DISP2: variants seen among roughly 807,000 people sequenced by gnomAD.
DISP2 encodes the protein protein dispatched homolog 2.
In DISP2, 59 loss-of-function variants were observed where a neutral mutation model predicts 95.5. That is an observed-to-expected ratio of 0.62 (90% CI 0.50 to 0.77). DISP2 has a LOEUF of 0.77. DISP2 is among the 30% of genes least tolerant of loss of function. The pLI is 0.00. For missense variants in DISP2, 1,752 were observed against 1,854.6 expected (o/e 0.94, Z 1.02); for synonymous variants, 827 against 815.0 (o/e 1.01, Z -0.25).
chr15:40,360,709 T>G (rs921461793), intron 1 of DISP2, among the ~76,000 whole-genome samples: 14 of 151,976 alleles, frequency 9.2e-5, no homozygotes, highest in African/African-American at 3.1e-4. Context: ...AATGCTGGCT[T>G]CCCCTAATGC....
At position 40,368,045 on chromosome 15, in the gene DISP2, G is replaced by C; in HGVS notation, c.1933G>C (p.Glu645Gln). Reference sequence around the variant, plus strand: ...GCTGCCCGCCTCCGCCGTGCTCCACGAGCGCTACCTGGCGCGCGGCTGTGC... The same window carrying C: ...GCTGCCCGCCTCCGCCGTGCTCCACCAGCGCTACCTGGCGCGCGGCTGTGC... Reference protein sequence around the residue: ...VWLPASAVLHERYLARGCARR... With the variant: ...VWLPASAVLHQRYLARGCARR... The change falls in exon 8 of 8, where the codon GAG becomes CAG. Residue 645 changes from glutamate (E) to glutamine (Q), a missense_variant. Around this residue, in one of 5 missense-constraint regions of DISP2, gnomAD observed 732 missense variants for 714.6 expected, o/e 1.02. Coordinates refer to ENST00000267889, the MANE Select transcript of DISP2 (RefSeq NM_033510.3). 6.6e-7 allele frequency: 1 copy of C among 1,525,906 alleles called. No homozygotes were observed. The highest frequency in any genetic ancestry group is 1.2e-5 in the South Asian group (1 of 83,414). 94.5% of individuals were successfully genotyped at this position (1,525,906 alleles called of 1,614,324 possible). A position where few individuals can be genotyped will look rare whatever the true frequency, so the allele number is the denominator to read the frequency against.
At position 40,368,314 on chromosome 15, in the gene DISP2, G is replaced by C. The variant is rs35565646; in HGVS notation, c.2202G>C (p.Pro734=). The change falls in exon 8 of 8, where the codon CCG becomes CCC. Residue 734 remains proline, a synonymous_variant. Transcript: ENST00000267889. ...GCCTGCGGCTGCCCACGCTGCCGCCGCCCGGCGGCCAGGTCTTCCGGCCCA... is the reference window on the plus strand; with the variant it reads ...GCCTGCGGCTGCCCACGCTGCCGCCCCCCGGCGGCCAGGTCTTCCGGCCCA... ...SPRLRLPTLP[P]PGGQVFRPSH... 1 of 1,603,194 alleles carries C rather than the reference G, an allele frequency of 6.2e-7. No individual in the cohort carries two copies. Among genetic ancestry groups the C allele is most frequent in the East Asian group, 2.2e-5 (1 of 44,708 alleles).
Position 40,368,011 on chromosome 15 carries a change from G to A in DISP2, c.1899G>A (p.Thr633=), listed in dbSNP as rs1352544827. The change falls in exon 8 of 8, where the codon ACG becomes ACA. Residue 633 remains threonine, a synonymous_variant. Coordinates refer to ENST00000267889, the MANE Select transcript of DISP2 (RefSeq NM_033510.3). ...CTGTGCTGGTGCACCTGGCGCTCACGCTGGTCTGGCTGCCCGCCTCCGCCG... is the reference window on the plus strand; with the variant it reads ...CTGTGCTGGTGCACCTGGCGCTCACACTGGTCTGGCTGCCCGCCTCCGCCG... The part of the protein sequence containing the change: ...GTAVLVHLAL[T]LVWLPASAVL... The A allele has an allele frequency of 1.3e-6, 2 of 1,535,438 alleles. No homozygotes were observed. Among genetic ancestry groups the A allele is most frequent in the South Asian group, 1.2e-5 (1 of 84,354 alleles).
chr15:40,368,782 G>A lies in DISP2; in HGVS notation c.2670G>A (p.Leu890=). The A allele has an allele frequency of 6.2e-7, 1 of 1,613,876 alleles. No homozygotes were observed. Among genetic ancestry groups the A allele is most frequent in the Non-Finnish European group, 8.5e-7 (1 of 1,180,024 alleles). ...LEQGPDGTQD[L]GLRFDAHGSL... ...AAGGCCCCGATGGCACCCAGGACCT[G>A]GGACTCCGCTTTGATGCCCATGGCA... The change falls in exon 8 of 8, where the codon CTG becomes CTA. Residue 890 remains leucine (L), a synonymous_variant. Transcript: ENST00000267889.
chr15:40,368,815 C>T lies in DISP2; in HGVS notation c.2703C>T (p.Ala901=), dbSNP rs370509084. The change falls in exon 8 of 8, where the codon GCC becomes GCT. Residue 901 remains alanine (A), a synonymous_variant. Transcript: ENST00000267889. ...GCTTTGATGCCCATGGCAGCCTGGC[C>T]GCCCTGGTCCTACAATTCCAGACCA... The part of the protein sequence containing the change: ...GLRFDAHGSL[A]ALVLQFQTNF... 18 of 1,613,818 alleles carry T rather than the reference C, an allele frequency of 1.1e-5. No individual in the cohort carries two copies. In the African/African-American group the frequency reaches 1.2e-4, roughly 11 times the overall value.
intron 7 of DISP2, 32 bp downstream of exon 7, chr15:40,365,757 G>C (rs201936471): frequency 5.3e-5 from 85 of 1,608,544 alleles, no homozygotes; most frequent in African/African-American, 2.3e-4. Context: ...CAGGGGTTTG[G>C]GGGGAACTAA....
intron 1 of DISP2, among the ~76,000 whole-genome samples, chr15:40,360,996 C>A (rs1889397409): frequency 6.6e-6 from 1 of 152,234 alleles, no homozygotes; most frequent in South Asian, 2.1e-4. Flanking sequence ...TCCACACTTA[C>A]ACACACAACC....
chr15:40,358,677 C>A (rs1199518184), intron 1 of DISP2, among the ~76,000 whole-genome samples: 4 of 152,108 alleles, frequency 2.6e-5, no homozygotes, highest in South Asian at 2.1e-4. Flanking sequence ...GCTTAGGGAA[C>A]CTGCCCCACC....
At chr15:40,364,183 A>G (rs375840661) in intron 2 of DISP2, 43 bp from the exon 3 acceptor site, 1 of 1,613,192 alleles carries the variant, frequency 6.2e-7, no homozygotes, top group African/African-American at 1.3e-5. Context: ...CGCCCTCTGC[A>G]AGAGAACTCT....
intron 1 of DISP2, among the ~76,000 whole-genome samples, chr15:40,360,391 G>C (rs1166744292): frequency 6.6e-6 from 1 of 152,208 alleles, no homozygotes; most frequent in East Asian, 1.9e-4. Context: ...TTTCTCATGG[G>C]AGTTTTGAAG....
chr15:40,367,477 G>A lies in DISP2; in HGVS notation c.1365G>A (p.Arg455=). Residue 455 remains arginine (R), a synonymous_variant, in exon 8 of 8, where the codon CGG becomes CGA. Transcript: ENST00000267889. ...CCCTCATGGACATCTACCTGGACCG[G>A]CTGGCCACCCCCTGGGGGCTTGCTG... is the stretch of plus-strand genomic sequence containing the variant. ...GASLMDIYLD[R]LATPWGLADN... is the part of the protein sequence containing the mutation. The A allele has an allele frequency of 6.2e-7, 1 of 1,613,644 alleles. No homozygotes were observed. The highest frequency in any genetic ancestry group is 1.1e-5 in the South Asian group (1 of 91,044).
rs1052587500 is a variant in DISP2 at position 40,376,140 on chromosome 15, A to G, written c.*5822A>G. The G allele has an allele frequency of 1.3e-5, 2 of 151,808 alleles. No homozygotes were observed. The highest frequency in any genetic ancestry group is 4.8e-5 in the African/African-American group (2 of 41,390). The allele number at this position is 151,808 out of a possible 1,614,324, so 9.4% of individuals were successfully genotyped here. ...TATATTGTAAAATATATAAATATAT[A>G]TTAAAAAGGAAAAAATAATAAAAAT... On this transcript the variant is annotated 3_prime_UTR_variant, in exon 8 of 8. Coordinates refer to ENST00000267889, the MANE Select transcript of DISP2 (RefSeq NM_033510.3).
chr15:40,369,592 A>G lies in DISP2; in HGVS notation c.3480A>G (p.Ser1160=). The change falls in exon 8 of 8, where the codon TCA becomes TCG. Residue 1160 remains serine (S), a synonymous_variant. Transcript: ENST00000267889. ...TGGGAGGGATGCCCGGGTCCTGCTC[A>G]GAGCAATATGAGCTACAGCCCCTGG... ...GSVGGMPGSC[S]EQYELQPLAR... The G allele has an allele frequency of 6.2e-7, 1 of 1,611,760 alleles. No individual in the cohort carries two copies. The highest frequency in any genetic ancestry group is 8.5e-7 in the Non-Finnish European group (1 of 1,179,980).
Position 40,368,925 on chromosome 15 carries a change from C to T in DISP2, c.2813C>T (p.Ala938Val). 6.2e-7 allele frequency: 1 copy of T among 1,613,874 alleles called. No individual in the cohort carries two copies. Among genetic ancestry groups the T allele is most frequent in the East Asian group, 2.2e-5 (1 of 44,886 alleles). Residue 938 changes from alanine (A) to valine (V), a missense_variant, in exon 8 of 8, where the codon GCA becomes GTA. By Grantham distance (64) the Ala-to-Val change is moderately conservative. Around this residue, in one of 5 missense-constraint regions of DISP2, gnomAD observed 317 missense variants for 394.9 expected, o/e 0.80. Coordinates refer to ENST00000267889, the MANE Select transcript of DISP2 (RefSeq NM_033510.3). ...TGGCTGGCAGCGGAGCTGGGCATGGCACCTCCAGGCCTCCGCCGTGGTTGG... is the reference window on the plus strand; with the variant it reads ...TGGCTGGCAGCGGAGCTGGGCATGGTACCTCCAGGCCTCCGCCGTGGTTGG... ...SHWLAAELGM[A>V]PPGLRRGWFT... is the part of the protein sequence containing the mutation.
At position 40,364,562 on chromosome 15, in the gene DISP2, G is replaced by T. The variant is rs1320052539; in HGVS notation, c.603+18G>T. 1 of 1,611,436 alleles carries T rather than the reference G, an allele frequency of 6.2e-7. No individual in the cohort carries two copies. Among genetic ancestry groups the T allele is most frequent in the Non-Finnish European group, 8.5e-7 (1 of 1,179,152 alleles). Reference sequence around the variant, plus strand: ...CTTTGCTGGTGAGGAACCAAGGGGTGGGACGGGGTCCCCAGGCCTGGCCAC... The same window carrying T: ...CTTTGCTGGTGAGGAACCAAGGGGTTGGACGGGGTCCCCAGGCCTGGCCAC... On this transcript the variant is annotated intron_variant, in intron 4 of 7. Coordinates refer to ENST00000267889, the MANE Select transcript of DISP2 (RefSeq NM_033510.3).
intron 1 of DISP2, 137 bp from the exon 2 acceptor site, chr15:40,363,488 A>T: frequency 1.5e-6 from 1 of 649,098 alleles, no homozygotes; most frequent in Non-Finnish European, 2.5e-6. Flanking sequence ...CTCACCTCTC[A>T]CTTCTCCCCC....
chr15:40,370,088 C>G lies in DISP2; in HGVS notation c.3976C>G (p.Pro1326Ala). The G allele has an allele frequency of 6.2e-7, 1 of 1,612,304 alleles. No individual in the cohort carries two copies. Among genetic ancestry groups the G allele is most frequent in the Non-Finnish European group, 8.5e-7 (1 of 1,179,048 alleles). The part of the protein sequence containing the change: ...SPDDLDDTGQ[P>A]VLERGQLNGK... ...AGATGACCTGGATGACACTGGGCAG[C>G]CAGTCCTTGAGCGAGGCCAGCTCAA... Residue 1326 changes from proline to alanine, a missense_variant, in exon 8 of 8, where the codon CCA (proline) becomes GCA (alanine). This residue lies in a region of DISP2 where 347 missense variants were observed against 344.2 expected (regional missense o/e 1.01). Transcript: ENST00000267889.
chr15:40,365,603 T>A (rs1595726498), intron 6 of DISP2, 25 bp from the exon 7 acceptor site: 2 of 1,613,380 alleles, frequency 1.2e-6, no homozygotes, highest in East Asian at 4.5e-5. Context: ...AGGACTGAGC[T>A]CCAGGTTGCG....
rs2141265525 is a variant in DISP2 at position 40,373,296 on chromosome 15, G to A, written c.*2978G>A. On this transcript the variant is annotated 3_prime_UTR_variant, in exon 8 of 8. Coordinates refer to ENST00000267889, the MANE Select transcript of DISP2 (RefSeq NM_033510.3). ...TCAAGAAATGATTTCTCCCCACTCA[G>A]ACACTCTAATAGAACTACATTAACA... The A allele has an allele frequency of 6.6e-6, 1 of 152,336 alleles. No individual in the cohort carries two copies. The highest frequency in any genetic ancestry group is 2.1e-4 in the South Asian group (1 of 4,830). The allele number at this position is 152,336 out of a possible 1,614,324, so 9.4% of individuals were successfully genotyped here.
Sources: allele counts gnomAD v4.1 joint callset (sites outside exome capture counted in the v4.1 genomes callset), GRCh38; gene constraint gnomAD v4.1.1; regional missense constraint gnomAD v4.1.1; transcripts MANE v1.5; gene names NCBI Gene and HGNC (gene_info 2026-07-23, HGNC 2026-07-21).